The following TSPAN9 variants were observed in gnomAD, a reference collection of about 807,000 sequenced individuals.
TSPAN9 encodes the protein tetraspanin-9.
TSPAN9 carries 16 observed loss-of-function variants against 31.0 expected under a neutral mutation model. The ratio of observed to expected loss-of-function variants is 0.52; its 90% CI spans 0.35 to 0.78. The LOEUF (loss-of-function observed/expected upper bound fraction) is 0.78, where lower values mean the gene tolerates loss of function less well. TSPAN9 is among the 30% of genes least tolerant of loss of function. The pLI, the probability that TSPAN9 is intolerant of heterozygous loss-of-function variation, is 0.01. For missense variants in TSPAN9, 272 were observed against 312.5 expected (o/e 0.87, Z 0.98); for synonymous variants, 145 against 121.6 (o/e 1.19, Z -1.27).
intron 3 of TSPAN9, among the ~76,000 whole-genome samples, chr12:3,242,776 G>C (rs1376545439): frequency 1.3e-5 from 2 of 152,212 alleles, no homozygotes; most frequent in Non-Finnish European, 2.9e-5. Context: ...CCCCCTCTCA[G>C]GGCCTAGCCA....
At chr12:3,157,367 C>T (rs1226112252) in intron 2 of TSPAN9, among the ~76,000 whole-genome samples, 1 of 152,064 alleles carries the variant, frequency 6.6e-6, no homozygotes, top group East Asian at 1.9e-4. Context: ...TCCCAAAGTG[C>T]TAGGATTACA....
chr12:3,139,447 C>G (rs1486754630), intron 2 of TSPAN9, among the ~76,000 whole-genome samples: 1 of 152,246 alleles, frequency 6.6e-6, no homozygotes, highest in Non-Finnish European at 1.5e-5. Flanking sequence ...AGTCGGCCAG[C>G]CTGGGGATGG....
intron 2 of TSPAN9, among the ~76,000 whole-genome samples, chr12:3,119,595 G>A (rs768095353): frequency 7.9e-5 from 12 of 152,236 alleles, no homozygotes; most frequent in Non-Finnish European, 1.2e-4. Context: ...GCCCCTGCCC[G>A]GAGGGCTGTG....
At chr12:3,250,089 G>C (rs1862220389) in intron 3 of TSPAN9, among the ~76,000 whole-genome samples, 1 of 152,172 alleles carries the variant, frequency 6.6e-6, no homozygotes, top group South Asian at 2.1e-4. Flanking sequence ...GTTTCCTCCA[G>C]GGCTGTCTTT....
intron 3 of TSPAN9, among the ~76,000 whole-genome samples, chr12:3,252,500 G>A (rs983412309): frequency 2.6e-5 from 4 of 152,192 alleles, no homozygotes; most frequent in Admixed American, 2.0e-4. Context: ...TTATATAGCC[G>A]TCCCTGCACT....
At chr12:3,166,611 A>G (rs1303342585) in intron 2 of TSPAN9, among the ~76,000 whole-genome samples, 3 of 152,184 alleles carry the variant, frequency 2.0e-5, no homozygotes, top group Non-Finnish European at 4.4e-5. Context: ...TATGTATGCA[A>G]TGCAGCATTT....
intron 2 of TSPAN9, among the ~76,000 whole-genome samples, chr12:3,110,516 T>G (rs2098317997): frequency 6.6e-6 from 1 of 152,212 alleles, no homozygotes; most frequent in South Asian, 2.1e-4. Context: ...CTTGCCTTCA[T>G]CTGTTGTTTT....
chr12:3,269,035 TCC>T (rs1491265586), intron 3 of TSPAN9, among the ~76,000 whole-genome samples: 5 of 83,960 alleles, frequency 6.0e-5, no homozygotes, highest in African/African-American at 9.6e-5. Flanking sequence ...CAGCCTGCCC[TCC>T]CTGTGTTCCT....
At position 3,214,730 on chromosome 12, in the gene TSPAN9, G is replaced by A. The variant is rs76302172; in HGVS notation, c.63+13474G>A. On this transcript the variant is annotated intron_variant, in intron 3 of 8. Transcript: ENST00000011898. ...GCAGGTAATGAGGGGGCGGGCTGCC[G>A]TATTAAGCACCCTGGCTACGCTGGG... Among the ~76,000 whole-genome samples the A allele has an allele frequency of 9.0e-3, 1,363 of 151,334 alleles. 22 individuals are homozygous for A. Among genetic ancestry groups the A allele is most frequent in the African/African-American group, 0.032 (1,296 of 40,698 alleles).
At chr12:3,196,600 T>G (rs552134301) in intron 2 of TSPAN9, among the ~76,000 whole-genome samples, 1 of 152,214 alleles carries the variant, frequency 6.6e-6, no homozygotes, top group African/African-American at 2.4e-5. Context: ...TAAAGACTTA[T>G]ACGTTAAAGT....
chr12:3,195,239 G>T (rs947561896), intron 2 of TSPAN9, among the ~76,000 whole-genome samples: 6 of 152,206 alleles, frequency 3.9e-5, no homozygotes, highest in Non-Finnish European at 8.8e-5. Context: ...GTGAGGGAGA[G>T]ACCAAAGACT....
intron 2 of TSPAN9, among the ~76,000 whole-genome samples, chr12:3,125,817 C>T (rs1265232565): frequency 2.0e-5 from 3 of 152,220 alleles, no homozygotes; most frequent in Middle Eastern, 3.4e-3. Flanking sequence ...AACTGACCCT[C>T]AAGTGAGCCC....
chr12:3,261,938 G>A (rs928151202), intron 3 of TSPAN9, among the ~76,000 whole-genome samples: 4 of 152,206 alleles, frequency 2.6e-5, no homozygotes, highest in African/African-American at 7.2e-5. Flanking sequence ...CAGGGACTTG[G>A]TGACCCGCTT....
chr12:3,169,740 C>T (rs1565600585), intron 2 of TSPAN9, among the ~76,000 whole-genome samples: 1 of 152,006 alleles, frequency 6.6e-6, no homozygotes, highest in South Asian at 2.1e-4. Flanking sequence ...GGGAACCATG[C>T]GAGTGAGTTT....
intron 3 of TSPAN9, among the ~76,000 whole-genome samples, chr12:3,251,708 C>T (rs1591706400): frequency 6.6e-6 from 1 of 152,208 alleles, no homozygotes; most frequent in Non-Finnish European, 1.5e-5. Flanking sequence ...TCCAGCACCT[C>T]TGGCTGCCTG....
intron 2 of TSPAN9, among the ~76,000 whole-genome samples, chr12:3,109,788 A>T (rs2098317395): frequency 7.8e-6 from 1 of 128,696 alleles, no homozygotes. Flanking sequence ...ACAAGAGCAA[A>T]ACTCTGTCTC....
chr12:3,085,958 C>T (rs567251118), intron 2 of TSPAN9, among the ~76,000 whole-genome samples: 3 of 152,310 alleles, frequency 2.0e-5, no homozygotes, highest in East Asian at 1.9e-4. Flanking sequence ...TGGCGAGTGG[C>T]GGGGTCCTAC....
intron 2 of TSPAN9, among the ~76,000 whole-genome samples, chr12:3,096,134 C>T (rs112335872): frequency 5.3e-5 from 8 of 152,300 alleles, no homozygotes; most frequent in African/African-American, 1.7e-4. Context: ...CGGCGGCTGC[C>T]GCTTGTGTAG....
At chr12:3,124,335 G>A (rs1341851672) in intron 2 of TSPAN9, among the ~76,000 whole-genome samples, 1 of 152,074 alleles carries the variant, frequency 6.6e-6, no homozygotes, top group Admixed American at 6.6e-5. Context: ...TACCAAAGTA[G>A]TTATATTTTT....
Sources: gnomAD v4.1 joint callset for allele counts (sites outside exome capture counted in the v4.1 genomes callset) on GRCh38, gnomAD v4.1.1 for gene constraint, MANE v1.5 for transcripts, NCBI Gene and HGNC (gene_info 2026-07-23, HGNC 2026-07-21) for gene names.